Variants in SCAF8 observed in about 807,000 individuals in gnomAD.
The protein encoded by SCAF8 is SR-related CTD associated factor 8, also known as SR-related and CTD-associated factor 8.
Under a neutral mutation model 140.5 loss-of-function variants are expected in SCAF8, and 23 were observed. The observed-to-expected ratio is 0.16, with a 90% CI of 0.12 to 0.23. SCAF8 has a LOEUF of 0.23. Ranked by LOEUF, SCAF8 falls within the 10% of genes least tolerant of loss-of-function variation. The pLI, the probability that SCAF8 is intolerant of heterozygous loss-of-function variation, is 1.00. For synonymous variants in SCAF8, 575 were observed against 528.9 expected, an observed-to-expected ratio of 1.09 and a Z score of -1.20; for missense variants, 1,397 against 1,555.7, an observed-to-expected ratio of 0.90 and a Z score of 1.72.
At chr6:154,767,887 A>T (rs1050804337) in intron 1 of SCAF8, among the ~76,000 whole-genome samples, 3 of 152,128 alleles carry the variant, frequency 2.0e-5, no homozygotes, top group Non-Finnish European at 2.9e-5. Flanking sequence ...TTCTAAAATG[A>T]TAAGTGATCC....
chr6:154,775,943 T>G (rs978353008), intron 2 of SCAF8, among the ~76,000 whole-genome samples: 2 of 152,166 alleles, frequency 1.3e-5, no homozygotes, highest in Non-Finnish European at 1.5e-5. Flanking sequence ...GAAGTTAGTT[T>G]CAGACTTCAT....
intron 17 of SCAF8, chr6:154,824,970 A>G (rs943810229): frequency 2.6e-5 from 4 of 152,088 alleles, no homozygotes; most frequent in African/African-American, 9.7e-5. Context: ...TGAAAAAAAA[A>G]AAAGAATTAT....
At chr6:154,826,706 G>T (rs116362442) in intron 17 of SCAF8, among the ~76,000 whole-genome samples, 1 of 151,736 alleles carries the variant, frequency 6.6e-6, no homozygotes, top group African/African-American at 2.4e-5. Flanking sequence ...ACATAGACTC[G>T]GTATCTAAAA....
In SCAF8 at chr6:154,831,028, C is replaced by A. The variant is rs753437462; in HGVS notation, c.2247C>A (p.Ser749=). Residue 749 remains serine, a synonymous_variant, in exon 19 of 20, where the codon TCC becomes TCA. Coordinates refer to ENST00000367178, the MANE Select transcript of SCAF8 (RefSeq NM_014892.5). The part of the protein sequence containing the change: ...GGSVASNLAT[S]ALPAGNVFNA... ...CTGTTGCCAGCAATCTTGCTACTTC[C>A]GCTCTGCCAGCTGGAAATGTTTTTA... The A allele has an allele frequency of 4.3e-6, 7 of 1,613,958 alleles. No individual in the cohort carries two copies. Among genetic ancestry groups the A allele is most frequent in the Non-Finnish European group, 5.1e-6 (6 of 1,179,866 alleles).
At chr6:154,775,747 T>A (rs1331524083) in intron 2 of SCAF8, among the ~76,000 whole-genome samples, 1 of 151,926 alleles carries the variant, frequency 6.6e-6, no homozygotes, top group Non-Finnish European at 1.5e-5. Context: ...TCTTAAAGTT[T>A]TTTTAAAAAA....
chr6:154,757,909 C>CTTTT (rs750337401), intron 1 of SCAF8, among the ~76,000 whole-genome samples: 1 of 132,654 alleles, frequency 7.5e-6, no homozygotes, highest in African/African-American at 2.7e-5. Flanking sequence ...GTAAGTTTCA[C>CTTTT]TTTTTTTTTT....
intron 5 of SCAF8, among the ~76,000 whole-genome samples, chr6:154,793,815 CAAAA>C (rs59257286): frequency 1.4e-4 from 10 of 69,306 alleles, no homozygotes; most frequent in African/African-American, 2.3e-4. Flanking sequence ...AACTCTGTCT[CAAAA>C]AAAAAAAAAA....
Position 154,733,635 on chromosome 6 carries a change from C to T in SCAF8, c.-266C>T, listed in dbSNP as rs1270916348. The T allele has an allele frequency of 2.3e-6, 3 of 1,291,776 alleles. No individual in the cohort carries two copies. Among genetic ancestry groups the T allele is most frequent in the Non-Finnish European group, 2.9e-6 (3 of 1,023,620 alleles). 80.0% of individuals were successfully genotyped at this position (1,291,776 alleles called of 1,614,324 possible). On this transcript the variant is annotated 5_prime_UTR_variant, in exon 1 of 20. Coordinates refer to ENST00000367178, the MANE Select transcript of SCAF8 (RefSeq NM_014892.5). Reference sequence around the variant, plus strand: ...GCCGCGGCCCAGCCCCTCCCCCGCCCGCCGCCGACCCGCCCCGGCAGCGCC... The same window carrying T: ...GCCGCGGCCCAGCCCCTCCCCCGCCTGCCGCCGACCCGCCCCGGCAGCGCC...
chr6:154,810,651 C>A (rs1184054379), intron 12 of SCAF8, among the ~76,000 whole-genome samples: 1 of 152,122 alleles, frequency 6.6e-6, no homozygotes, highest in African/African-American at 2.4e-5. Flanking sequence ...TCCTACTGTA[C>A]AAACCTTGCA....
At chr6:154,828,346 C>A (rs1191421093) in intron 18 of SCAF8, among the ~76,000 whole-genome samples, 1 of 151,936 alleles carries the variant, frequency 6.6e-6, no homozygotes, top group Admixed American at 6.6e-5. Flanking sequence ...CTTTAATTGC[C>A]ATTTCTCAGA....
At chr6:154,774,204 CA>C (rs1776853622) in intron 2 of SCAF8, 132 bp downstream of exon 2, 2 of 645,646 alleles carry the variant, frequency 3.1e-6, no homozygotes, top group South Asian at 2.1e-5. Context: ...TGGAAAAACA[CA>C]AAAAAGAAAA....
intron 3 of SCAF8, among the ~76,000 whole-genome samples, chr6:154,781,468 C>T (rs999996370): frequency 1.3e-5 from 2 of 152,132 alleles, no homozygotes; most frequent in Non-Finnish European, 2.9e-5. Flanking sequence ...TGACATTTTT[C>T]ACAGAATTAG....
chr6:154,738,264 C>T (rs1385959250), intron 1 of SCAF8, among the ~76,000 whole-genome samples: 1 of 151,896 alleles, frequency 6.6e-6, no homozygotes, highest in Non-Finnish European at 1.5e-5. Flanking sequence ...GGATGAGTTT[C>T]AGCTATGAAA....
chr6:154,791,480 A>G lies in SCAF8; in HGVS notation c.322-1343A>G, dbSNP rs1209020609. On this transcript the variant is annotated intron_variant, in intron 4 of 19. Transcript: ENST00000367178. Reference sequence around the variant, plus strand: ...TATAAGAAGAGCTGTAACAAGGCATATATCTCCCTCCCAAGATGCTCAAAA... The same window carrying G: ...TATAAGAAGAGCTGTAACAAGGCATGTATCTCCCTCCCAAGATGCTCAAAA... 2.0e-5 allele frequency among the ~76,000 whole-genome samples: 3 copies of G among 152,218 alleles called. No individual in the cohort carries two copies. The East Asian group carries it at 5.8e-4, about 29-fold the overall frequency.
At chr6:154,830,860 G>A in intron 18 of SCAF8, 62 bp from the exon 19 acceptor site, 1 of 1,294,278 alleles carries the variant, frequency 7.7e-7, no homozygotes, top group East Asian at 2.3e-5. Flanking sequence ...CAGACTGCCA[G>A]AAAACTTAGC....
intron 3 of SCAF8, 38 bp from the exon 4 acceptor site, chr6:154,787,823 C>T: frequency 6.4e-7 from 1 of 1,555,256 alleles, no homozygotes; most frequent in Non-Finnish European, 8.8e-7. Flanking sequence ...TTTTACCTTT[C>T]CGTTTCCTTT....
At chr6:154,775,926 A>G (rs1286675839) in intron 2 of SCAF8, among the ~76,000 whole-genome samples, 1 of 152,150 alleles carries the variant, frequency 6.6e-6, no homozygotes, top group Non-Finnish European at 1.5e-5. Flanking sequence ...ACATGTTGCT[A>G]CATATGGAAG....
intron 1 of SCAF8, among the ~76,000 whole-genome samples, chr6:154,770,862 T>C (rs1583020064): frequency 6.6e-6 from 1 of 152,154 alleles, no homozygotes. Flanking sequence ...CTCATGCTTC[T>C]GCCTCCTGAG....
intron 1 of SCAF8, among the ~76,000 whole-genome samples, chr6:154,740,627 T>TTC (rs1778544643): frequency 6.8e-6 from 1 of 147,310 alleles, no homozygotes; most frequent in Admixed American, 6.7e-5. Flanking sequence ...TTCTTTTTCT[T>TTC]TTTTTTTTTT....
Sources: allele counts gnomAD v4.1 joint callset (sites outside exome capture counted in the v4.1 genomes callset), GRCh38; gene constraint gnomAD v4.1.1; transcripts MANE v1.5; gene names NCBI Gene and HGNC (gene_info 2026-07-23, HGNC 2026-07-21).